The following ADAMTS3 variants were observed in gnomAD, a reference collection of about 807,000 sequenced individuals.
The protein encoded by ADAMTS3 is A disintegrin and metalloproteinase with thrombospondin motifs 3.
ADAMTS3 carries 73 observed loss-of-function variants against 129.0 expected under a neutral mutation model. That is an observed-to-expected ratio of 0.57 (90% CI 0.47 to 0.69). ADAMTS3 has a LOEUF of 0.69. ADAMTS3 is among the 30% of genes least tolerant of loss of function. The pLI is 0.00. For synonymous variants in ADAMTS3, 477 were observed against 510.8 expected (o/e 0.93, Z 0.89); for missense variants, 1,457 against 1,514.5 (o/e 0.96, Z 0.63).
Position 72,323,068 on chromosome 4 carries a change from G to T in ADAMTS3, c.891C>A (p.Leu297=). ...IVNEIYHDES[L]GVHINVVLVR... ...CCAGGACCACATTTATATGCACTCC[G>T]AGGGACTCATCATGGTAAATTTCAT... Residue 297 remains leucine, a synonymous_variant, in exon 6 of 22, where the codon CTC becomes CTA. Coordinates refer to ENST00000286657, the MANE Select transcript of ADAMTS3 (RefSeq NM_014243.3). 1 of 1,613,254 alleles carries T rather than the reference G, an allele frequency of 6.2e-7. No individual in the cohort carries two copies. The highest frequency in any genetic ancestry group is 8.5e-7 in the Non-Finnish European group (1 of 1,179,516).
intron 3 of ADAMTS3, among the ~76,000 whole-genome samples, chr4:72,523,647 C>A (rs1177803518): frequency 1.3e-5 from 2 of 151,922 alleles, no homozygotes; most frequent in African/African-American, 4.8e-5. Context: ...TCTCTATTGC[C>A]TCTGTTAATT....
chr4:72,334,572 T>A (rs987423043), intron 5 of ADAMTS3, among the ~76,000 whole-genome samples: 4 of 152,110 alleles, frequency 2.6e-5, no homozygotes, highest in African/African-American at 4.8e-5. Context: ...GGTGGAGGAT[T>A]CAGGCCAGCT....
rs192909615 is a variant in ADAMTS3, at chr4:72,474,765, G to A, written c.505-59794C>T. 7.0e-3 allele frequency among the ~76,000 whole-genome samples: 1,070 copies of A among 152,186 alleles called. 18 individuals carry two copies. Among genetic ancestry groups the A allele is most frequent in the African/African-American group, 0.025 (1,022 of 41,508 alleles). ...TTCTAGGCCGGGCGCTGTGGCTCAC[G>A]CCTGTAATCCCAGCACTTTGGGAGG... On this transcript the variant is annotated intron_variant, in intron 3 of 21. Coordinates refer to ENST00000286657, the MANE Select transcript of ADAMTS3 (RefSeq NM_014243.3).
At chr4:72,408,442 G>C (rs1234081443) in intron 4 of ADAMTS3, among the ~76,000 whole-genome samples, 3 of 151,926 alleles carry the variant, frequency 2.0e-5, no homozygotes, top group Non-Finnish European at 4.4e-5. Flanking sequence ...ACATGTTCAA[G>C]AGTGGATAGT....
chr4:72,463,769 C>T (rs972382931), intron 3 of ADAMTS3, among the ~76,000 whole-genome samples: 22 of 150,268 alleles, frequency 1.5e-4, no homozygotes, highest in South Asian at 1.3e-3. Context: ...AACTTCACAT[C>T]TACTTCTTTC....
intron 3 of ADAMTS3, among the ~76,000 whole-genome samples, chr4:72,416,352 CT>C (rs1294940553): frequency 6.6e-6 from 1 of 151,908 alleles, no homozygotes; most frequent in Non-Finnish European, 1.5e-5. Flanking sequence ...ACAGGGAATT[CT>C]TAAAAGCTAT....
At chr4:72,426,208 G>C (rs1722570757) in intron 3 of ADAMTS3, among the ~76,000 whole-genome samples, 1 of 152,150 alleles carries the variant, frequency 6.6e-6, no homozygotes, top group East Asian at 1.9e-4. Context: ...AAATTTGTTT[G>C]AGTTCATTGT....
At chr4:72,545,042 A>C (rs1409432701) in intron 3 of ADAMTS3, among the ~76,000 whole-genome samples, 1 of 152,124 alleles carries the variant, frequency 6.6e-6, no homozygotes, top group African/African-American at 2.4e-5. Context: ...TTAACTACAA[A>C]TAACTATTAT....
chr4:72,552,939 C>T (rs542191693), intron 2 of ADAMTS3, among the ~76,000 whole-genome samples: 243 of 152,270 alleles, frequency 1.6e-3, no homozygotes, highest in Non-Finnish European at 2.7e-3. Flanking sequence ...TATCTACCAG[C>T]ATATATACTT....
At chr4:72,387,827 T>C (rs1693037116) in intron 4 of ADAMTS3, among the ~76,000 whole-genome samples, 2 of 151,986 alleles carry the variant, frequency 1.3e-5, no homozygotes, top group African/African-American at 2.4e-5. Context: ...ACTCAAAGAA[T>C]GCTATTTATT....
In ADAMTS3 at chr4:72,548,798, A is replaced by G; in HGVS notation, c.184T>C (p.Ser62Pro). 6.2e-7 allele frequency: 1 copy of G among 1,613,914 alleles called. No individual in the cohort carries two copies. Among genetic ancestry groups the G allele is most frequent in the Non-Finnish European group, 8.5e-7 (1 of 1,179,872 alleles). Residue 62 changes from serine (S) to proline (P), a missense_variant, in exon 3 of 22, where the codon TCT becomes CCT. Physicochemically the swap from Ser to Pro is moderately conservative, Grantham distance 74. Transcript: ENST00000286657. Reference sequence around the variant, plus strand: ...GCTGACCTCTTTTTGTGACTCGCAGAAAGAGTATGGGAGAGATAGCGTCCT... The same window carrying G: ...GCTGACCTCTTTTTGTGACTCGCAGGAAGAGTATGGGAGAGATAGCGTCCT... ...LEGRYLSHTL[S>P]ASHKKRSARD... is the part of the protein sequence containing the mutation.
At chr4:72,323,952 G>A (rs1719632684) in intron 5 of ADAMTS3, among the ~76,000 whole-genome samples, 1 of 152,078 alleles carries the variant, frequency 6.6e-6, no homozygotes, top group African/African-American at 2.4e-5. Context: ...AATCTGAAGT[G>A]GACTGTAACT....
chr4:72,555,448 GC>G (rs1560566154), intron 2 of ADAMTS3, among the ~76,000 whole-genome samples: 1 of 151,762 alleles, frequency 6.6e-6, no homozygotes, highest in African/African-American at 2.4e-5. Flanking sequence ...CCTATCTCAA[GC>G]CCCATCTTTT....
intron 3 of ADAMTS3, among the ~76,000 whole-genome samples, chr4:72,450,969 A>AGAAGAGAAGAGAAG (rs1718385285): frequency 3.6e-5 from 5 of 140,040 alleles, no homozygotes; most frequent in Non-Finnish European, 1.5e-5. Flanking sequence ...GGCAGGCAAA[A>AGAAGAGAAGAGAAG]AGAAGAGAAG....
At chr4:72,332,438 G>A (rs1254612267) in intron 5 of ADAMTS3, among the ~76,000 whole-genome samples, 1 of 152,094 alleles carries the variant, frequency 6.6e-6, no homozygotes, top group Non-Finnish European at 1.5e-5. Context: ...TCCATCATAA[G>A]TAGCTAATTT....
Position 72,290,865 on chromosome 4 carries a change from G to C in ADAMTS3, c.2921C>G (p.Pro974Arg). The C allele has an allele frequency of 6.2e-7, 1 of 1,613,726 alleles. No homozygotes were observed. Among genetic ancestry groups the C allele is most frequent in the East Asian group, 2.2e-5 (1 of 44,814 alleles). Residue 974 changes from proline (P) to arginine (R), a missense_variant, in exon 20 of 22, where the codon CCC becomes CGC. Coordinates refer to ENST00000286657, the MANE Select transcript of ADAMTS3 (RefSeq NM_014243.3). ...VPCPAQWKTG[P>R]WSECSVTCGE... ...AATTCACACACCTACCTCACTCCAG[G>C]GTCCTGTTTTCCACTGTGCAGGGCA...
chr4:72,456,228 G>A (rs186693829), intron 3 of ADAMTS3, among the ~76,000 whole-genome samples: 6 of 14,914 alleles, frequency 4.0e-4, no homozygotes, highest in African/African-American at 1.4e-3. Flanking sequence ...TATATAGTAT[G>A]TACTATATAT....
At chr4:72,487,264 A>C (rs1719614939) in intron 3 of ADAMTS3, among the ~76,000 whole-genome samples, 1 of 152,156 alleles carries the variant, frequency 6.6e-6, no homozygotes, top group South Asian at 2.1e-4. Context: ...AATAAGTAGA[A>C]GACAAAGGTA....
intron 4 of ADAMTS3, among the ~76,000 whole-genome samples, chr4:72,384,901 G>T (rs367839068): frequency 6.6e-6 from 1 of 152,158 alleles, no homozygotes; most frequent in Non-Finnish European, 1.5e-5. Flanking sequence ...GGGTGTGGTG[G>T]CTCACGCCTG....
Sources: gnomAD v4.1 joint callset for allele counts (sites outside exome capture counted in the v4.1 genomes callset) on GRCh38, gnomAD v4.1.1 for gene constraint, MANE v1.5 for transcripts, NCBI Gene and HGNC (gene_info 2026-07-23, HGNC 2026-07-21) for gene names.